EIF2AK4: variants seen among roughly 807,000 people sequenced by gnomAD.
EIF2AK4 encodes eIF-2-alpha kinase GCN2.
Under a neutral mutation model 211.1 loss-of-function variants are expected in EIF2AK4, and 139 were observed. The ratio of observed to expected loss-of-function variants is 0.66; its 90% CI spans 0.57 to 0.76. EIF2AK4 has a LOEUF of 0.76. EIF2AK4 is among the 30% of genes least tolerant of loss of function. The pLI, the probability that EIF2AK4 is intolerant of heterozygous loss-of-function variation, is 0.00. For missense variants in EIF2AK4, 1,664 were observed against 2,043.8 expected, an observed-to-expected ratio of 0.81 and a Z score of 3.58; for synonymous variants, 710 against 751.3, an observed-to-expected ratio of 0.94 and a Z score of 0.90.
Position 39,976,794 on chromosome 15 carries a change from C to T in EIF2AK4, c.2199C>T (p.Asp733=), listed in dbSNP as rs777880324. The T allele has an allele frequency of 1.3e-6, 2 of 1,578,576 alleles. No homozygotes were observed. Among genetic ancestry groups the T allele is most frequent in the Admixed American group, 1.8e-5 (1 of 55,202 alleles). ...FPATGPGSSD[D]EDDDEDEHGG... ...CCACCGGCCCGGGCTCCAGCGATGA[C>T]GAGGACGACGACGAGGACGAGCACG... The change falls in exon 12 of 39, where the codon GAC becomes GAT. Residue 733 remains aspartate (D), a synonymous_variant. Coordinates refer to ENST00000263791, the MANE Select transcript of EIF2AK4 (RefSeq NM_001013703.4).
intron 1 of EIF2AK4, 58 bp downstream of exon 1, chr15:39,934,397 GC>G: frequency 3.9e-6 from 6 of 1,541,796 alleles, no homozygotes; most frequent in Non-Finnish European, 5.2e-6. Flanking sequence ...CGGGCCCTGG[GC>G]CAAAGCCCGG....
intron 4 of EIF2AK4, among the ~76,000 whole-genome samples, chr15:39,952,880 C>T (rs1170132542): frequency 6.6e-6 from 1 of 152,092 alleles, no homozygotes; most frequent in Non-Finnish European, 1.5e-5. Context: ...CAGAGTCTTG[C>T]TCTGTTGCCC....
At chr15:40,005,805 T>C (rs571835192) in intron 23 of EIF2AK4, among the ~76,000 whole-genome samples, 32 of 152,132 alleles carry the variant, frequency 2.1e-4, no homozygotes, top group Middle Eastern at 3.4e-3. Flanking sequence ...TCTCCTGACC[T>C]CGTGATCCGC....
chr15:39,983,121 ACT>A (rs2034817106), intron 13 of EIF2AK4, among the ~76,000 whole-genome samples: 1 of 152,238 alleles, frequency 6.6e-6, no homozygotes, highest in African/African-American at 2.4e-5. Flanking sequence ...GAATTGCCAC[ACT>A]GTCTTCCACA....
intron 17 of EIF2AK4, chr15:39,992,564 A>G (rs2034958246): frequency 6.7e-6 from 4 of 594,602 alleles, no homozygotes; most frequent in South Asian, 6.2e-5. Context: ...CTTCAATAGC[A>G]AAGACATCCT....
At chr15:40,012,233 T>C (rs2140940300) in intron 27 of EIF2AK4, among the ~76,000 whole-genome samples, 1 of 152,330 alleles carries the variant, frequency 6.6e-6, no homozygotes, top group African/African-American at 2.4e-5. Flanking sequence ...TCTTGGTTCA[T>C]ATTGGCCTTT....
Position 40,035,199 on chromosome 15 carries a change from G to C in EIF2AK4, c.*115G>C. On this transcript the variant is annotated 3_prime_UTR_variant, in exon 39 of 39. Coordinates refer to ENST00000263791, the MANE Select transcript of EIF2AK4 (RefSeq NM_001013703.4). Reference sequence around the variant, plus strand: ...AAATTCTAAGAAGAGGCTGGGTGCAGTGGCTCACACCTTTAATCCCAGCAC... The same window carrying C: ...AAATTCTAAGAAGAGGCTGGGTGCACTGGCTCACACCTTTAATCCCAGCAC... 2.5e-6 allele frequency: 2 copies of C among 801,860 alleles called. No homozygotes were observed. The highest frequency in any genetic ancestry group is 3.6e-6 in the Non-Finnish European group (2 of 552,778). 49.7% of individuals were successfully genotyped at this position (801,860 alleles called of 1,614,324 possible). A position where few individuals can be genotyped will look rare whatever the true frequency, so the allele number is the denominator to read the frequency against.
At chr15:39,995,940 C>T (rs759901169) in intron 18 of EIF2AK4, among the ~76,000 whole-genome samples, 14 of 152,272 alleles carry the variant, frequency 9.2e-5, no homozygotes, top group Non-Finnish European at 1.5e-4. Context: ...GTCACCATGC[C>T]GTGCTTTAGA....
intron 16 of EIF2AK4, chr15:39,991,800 G>T (rs2034948217): frequency 1.8e-5 from 3 of 167,536 alleles, no homozygotes; most frequent in Non-Finnish European, 3.9e-5. Context: ...TTGATGCAGA[G>T]AAAGTAACAG....
At chr15:40,033,187 G>C (rs2035567030) in intron 37 of EIF2AK4, among the ~76,000 whole-genome samples, 1 of 152,116 alleles carries the variant, frequency 6.6e-6, no homozygotes, top group African/African-American at 2.4e-5. Flanking sequence ...CGGAAGTAGA[G>C]AGGTTAAATA....
intron 21 of EIF2AK4, 38 bp from the exon 22 acceptor site, chr15:40,002,675 A>C: frequency 1.9e-6 from 3 of 1,604,716 alleles, no homozygotes; most frequent in Non-Finnish European, 8.5e-7. Flanking sequence ...CCCTTTGATA[A>C]GGCTTCAATG....
intron 27 of EIF2AK4, among the ~76,000 whole-genome samples, chr15:40,014,904 G>T (rs752022785): frequency 6.6e-6 from 1 of 152,056 alleles, no homozygotes; most frequent in Non-Finnish European, 1.5e-5. Flanking sequence ...ATTCTGCCAG[G>T]TACCCAAAAT....
At chr15:40,029,574 A>T in intron 34 of EIF2AK4, 110 bp downstream of exon 34, 2 of 1,129,086 alleles carry the variant, frequency 1.8e-6, no homozygotes, top group Middle Eastern at 3.0e-4. Flanking sequence ...TTAAAATAAC[A>T]TATACGCAAT....
In EIF2AK4 at chr15:40,034,402, A is replaced by G; in HGVS notation, c.4850A>G (p.Lys1617Arg). The G allele has an allele frequency of 6.2e-7, 1 of 1,614,118 alleles. No homozygotes were observed. The change falls in exon 38 of 39, where the codon AAA (lysine) becomes AGA (arginine). Residue 1617 changes from lysine to arginine, a missense_variant. Coordinates refer to ENST00000263791, the MANE Select transcript of EIF2AK4 (RefSeq NM_001013703.4). ...CGCCTGCCAAAGCAAAGATACCTCA[A>G]ATTAGTCTGTGATGAAATTTATAAC... The part of the protein sequence containing the change: ...LSRLPKQRYL[K>R]LVCDEIYNIK...
At chr15:40,033,726 T>C (rs1372354734) in intron 37 of EIF2AK4, among the ~76,000 whole-genome samples, 2 of 152,176 alleles carry the variant, frequency 1.3e-5, no homozygotes, top group East Asian at 3.8e-4. Context: ...CTATCACCGT[T>C]GTACAAAAAG....
At position 39,990,976 on chromosome 15, in the gene EIF2AK4, G is replaced by A. The variant is rs552067347; in HGVS notation, c.2631+599G>A. Among the ~76,000 whole-genome samples, 20 of 152,346 alleles carry A rather than the reference G, an allele frequency of 1.3e-4. No individual in the cohort carries two copies. In the South Asian group the frequency reaches 4.1e-3, roughly 32 times the overall value. On this transcript the variant is annotated intron_variant, in intron 16 of 38. Transcript: ENST00000263791. ...GTCTGACTGGTCGAAACTGTGAGGT[G>A]CAGGGGAGAGTAAGAGGATGCGGGG...
In EIF2AK4 at chr15:40,016,627, A is replaced by T; in HGVS notation, c.3885A>T (p.Leu1295=). Residue 1295 remains leucine (L), a synonymous_variant, in exon 28 of 39, where the codon CTA becomes CTT. Coordinates refer to ENST00000263791, the MANE Select transcript of EIF2AK4 (RefSeq NM_001013703.4). The stretch of plus-strand genomic sequence containing the variant: ...TGGTGAAGTATGGCTTAAAAGACCT[A>T]GAGGAGGTTGTTGGACTGTTGAAGA... ...AQLVKYGLKD[L]EEVVGLLKKL... is the part of the protein sequence containing the mutation. The T allele has an allele frequency of 6.2e-7, 1 of 1,614,248 alleles. No individual in the cohort carries two copies. The highest frequency in any genetic ancestry group is 8.5e-7 in the Non-Finnish European group (1 of 1,180,040).
intron 23 of EIF2AK4, among the ~76,000 whole-genome samples, chr15:40,003,960 A>T (rs569515660): frequency 1.3e-5 from 2 of 152,242 alleles, no homozygotes; most frequent in Non-Finnish European, 2.9e-5. Flanking sequence ...TGAGCAAAGG[A>T]TATAACCAGG....
chr15:40,008,305 A>C, intron 25 of EIF2AK4, 110 bp downstream of exon 25: 1 of 989,766 alleles, frequency 1.0e-6, no homozygotes, highest in South Asian at 1.9e-5. Context: ...CTGCAGATGA[A>C]TCACATCTTT....
Sources: allele counts gnomAD v4.1 joint callset (sites outside exome capture counted in the v4.1 genomes callset), GRCh38; gene constraint gnomAD v4.1.1; transcripts MANE v1.5; gene names NCBI Gene and HGNC (gene_info 2026-07-23, HGNC 2026-07-21).